LRP4: variants seen among roughly 807,000 people sequenced by gnomAD.
The protein encoded by LRP4 is low-density lipoprotein receptor-related protein 4.
LRP4 carries 95 observed loss-of-function variants against 220.3 expected under a neutral mutation model. That is an observed-to-expected ratio of 0.43 (90% CI 0.37 to 0.51). The LOEUF (loss-of-function observed/expected upper bound fraction) is 0.51, where lower values mean the gene tolerates loss of function less well. Ranked by LOEUF, LRP4 falls within the 20% of genes least tolerant of loss-of-function variation. The probability of loss-of-function intolerance (pLI) is 0.00; values close to 1 mark genes in which losing one functional copy is unlikely to be tolerated. For synonymous variants in LRP4, 903 were observed against 954.6 expected (o/e 0.95, Z 1.00); for missense variants, 1,925 against 2,567.0 (o/e 0.75, Z 5.40).
chr11:46,871,698 A>C, intron 30 of LRP4, 65 bp from the exon 31 acceptor site: 1 of 1,096,838 alleles, frequency 9.1e-7, no homozygotes, highest in Non-Finnish European at 1.4e-6. Context: ...TCTTCCCCCT[A>C]TGAACCTGTT....
rs1941787786 is a variant in LRP4 at position 46,907,879 on chromosome 11, C to T, written c.53-4950G>A. Among the ~76,000 whole-genome samples, 3 of 152,122 alleles carry T rather than the reference C, an allele frequency of 2.0e-5. No homozygotes were observed. The South Asian group carries it at 6.2e-4, about 32-fold the overall frequency. The stretch of plus-strand genomic sequence containing the variant: ...CTCAAAGGGCTTTGTAAAGATTAAC[C>T]CATATAAACTGCTTAGCACAGGGCT... On this transcript the variant is annotated intron_variant, in intron 1 of 37. Coordinates refer to ENST00000378623, the MANE Select transcript of LRP4 (RefSeq NM_002334.4).
At position 46,864,475 on chromosome 11, in the gene LRP4, A is replaced by G; in HGVS notation, c.5216T>C (p.Val1739Ala). The G allele has an allele frequency of 6.2e-7, 1 of 1,613,852 alleles. No individual in the cohort carries two copies. Among genetic ancestry groups the G allele is most frequent in the South Asian group, 1.1e-5 (1 of 91,072 alleles). ...GGLLSILLIL[V>A]VIAALMLYRH... Reference sequence around the variant, plus strand: ...GTACAGCATCAAAGCTGCAATCACCACCAAAATCAGCAGAATACTGAGGAG... The same window carrying G: ...GTACAGCATCAAAGCTGCAATCACCGCCAAAATCAGCAGAATACTGAGGAG... Residue 1739 changes from valine to alanine, a missense_variant, in exon 36 of 38, where the codon GTG (valine) becomes GCG (alanine). This residue lies in a region of LRP4 where 1,244 missense variants were observed against 1,624.9 expected (regional missense o/e 0.77). Transcript: ENST00000378623.
intron 20 of LRP4, among the ~76,000 whole-genome samples, chr11:46,880,528 G>A (rs994890571): frequency 1.3e-5 from 2 of 152,120 alleles, no homozygotes; most frequent in Non-Finnish European, 2.9e-5. Flanking sequence ...TCCCAGCTAC[G>A]TGGGAGGATC....
chr11:46,896,256 G>C lies in LRP4; in HGVS notation c.1002C>G (p.Val334=), dbSNP rs759926123. The change falls in exon 9 of 38, where the codon GTC becomes GTG. Residue 334 remains valine, a synonymous_variant. Transcript: ENST00000378623. ...CGTCGCTGTTGTCACCACAGTCGTTGACCCCGTTGCACAGCTTCCTCTGCC... is the reference window on the plus strand; with the variant it reads ...CGTCGCTGTTGTCACCACAGTCGTTCACCCCGTTGCACAGCTTCCTCTGCC... ...CIGQRKLCNG[V]NDCGDNSDES... is the part of the protein sequence containing the mutation. 2 of 1,614,030 alleles carry C rather than the reference G, an allele frequency of 1.2e-6. No individual in the cohort carries two copies. Among genetic ancestry groups the C allele is most frequent in the East Asian group, 4.5e-5 (2 of 44,894 alleles).
At chr11:46,903,646 T>G (rs1164926119) in intron 1 of LRP4, among the ~76,000 whole-genome samples, 1 of 152,258 alleles carries the variant, frequency 6.6e-6, no homozygotes, top group Non-Finnish European at 1.5e-5. Context: ...ATGGACGCTC[T>G]GCCTCTGTCT....
chr11:46,892,659 C>T (rs916257491), intron 13 of LRP4, among the ~76,000 whole-genome samples: 3 of 151,634 alleles, frequency 2.0e-5, no homozygotes, highest in Non-Finnish European at 2.9e-5. Context: ...GTAACCTGTG[C>T]CTCCTGGGTT....
At chr11:46,904,494 T>TGGATGGAC (rs1941726179) in intron 1 of LRP4, among the ~76,000 whole-genome samples, 2 of 108,334 alleles carry the variant, frequency 1.8e-5, no homozygotes, top group African/African-American at 5.7e-5. Context: ...GATGGATGGA[T>TGGATGGAC]GGATGGACGG....
chr11:46,876,483 T>G lies in LRP4; in HGVS notation c.3519A>C (p.Val1173=), dbSNP rs1565783608. The part of the protein sequence containing the change: ...WQNLDSPRAI[V]LYHEMGFMYW... ...GCTCTCACCCCATCTCATGGTACAG[T>G]ACGATGGCCCGGGGACTGTCAAGGT... Residue 1173 remains valine (V), a synonymous_variant, in exon 25 of 38, where the codon GTA becomes GTC. Coordinates refer to ENST00000378623, the MANE Select transcript of LRP4 (RefSeq NM_002334.4). 1 of 1,614,178 alleles carries G rather than the reference T, an allele frequency of 6.2e-7. No individual in the cohort carries two copies. Among genetic ancestry groups the G allele is most frequent in the East Asian group, 2.2e-5 (1 of 44,872 alleles).
At chr11:46,901,966 CT>C (rs975571666) in intron 2 of LRP4, among the ~76,000 whole-genome samples, 1 of 151,858 alleles carries the variant, frequency 6.6e-6, no homozygotes, top group Non-Finnish European at 1.5e-5. Context: ...ATTTCCTGAC[CT>C]CGTGATCTGC....
Position 46,897,372 on chromosome 11 carries a change from T to A in LRP4, c.797-378A>T, listed in dbSNP as rs546956755. 2.7e-3 allele frequency among the ~76,000 whole-genome samples: 384 copies of A among 141,382 alleles called. 2 individuals are homozygous for A. The highest frequency in any genetic ancestry group is 8.2e-3 in the African/African-American group (324 of 39,700). 92.8% of individuals were successfully genotyped at this position (141,382 alleles called of 152,430 possible). On this transcript the variant is annotated intron_variant, in intron 7 of 37. Coordinates refer to ENST00000378623, the MANE Select transcript of LRP4 (RefSeq NM_002334.4). ...TCTTTTTATTTTTTTATTTTTATTT[T>A]TTTTTATTTTTTAATTTTTTTATTA... is the stretch of plus-strand genomic sequence containing the variant.
chr11:46,903,587 G>A lies in LRP4; in HGVS notation c.53-658C>T, dbSNP rs112568161. ...AGAAGAGGAACAAGGGACAGAAAGG[G>A]TGATGTTGAGAGGCCTCCATAGCCT... On this transcript the variant is annotated intron_variant, in intron 1 of 37. Coordinates refer to ENST00000378623, the MANE Select transcript of LRP4 (RefSeq NM_002334.4). Among the ~76,000 whole-genome samples, 346 of 152,358 alleles carry A rather than the reference G, an allele frequency of 2.3e-3. 1 individual carries two copies. The highest frequency in any genetic ancestry group is 8.1e-3 in the African/African-American group (336 of 41,584).
rs780980400 is a variant in LRP4 at position 46,900,348 on chromosome 11, T to C, written c.230A>G (p.His77Arg). Residue 77 changes from histidine (H) to arginine (R), a missense_variant, in exon 3 of 38, where the codon CAC becomes CGC. Physicochemically the swap from His to Arg is conservative, Grantham distance 29 (BLOSUM62 0). Around this residue, in one of 3 missense-constraint regions of LRP4, gnomAD observed 412 missense variants for 505.4 expected, o/e 0.82. Coordinates refer to ENST00000378623, the MANE Select transcript of LRP4 (RefSeq NM_002334.4). The part of the protein sequence containing the change: ...ILPTCSPLDF[H>R]CDNGKCIRRS... ...GCGGATGCACTTGCCATTGTCACAG[T>C]GAAAGTCAAGAGGGGAACAGGTAGG... 20 of 1,613,668 alleles carry C rather than the reference T, an allele frequency of 1.2e-5. No homozygotes were observed. The Admixed American group carries it at 1.7e-4, about 13-fold the overall frequency.
chr11:46,889,873 G>A (rs949421908), intron 15 of LRP4, 71 bp downstream of exon 15: 1 of 1,544,432 alleles, frequency 6.5e-7, no homozygotes, highest in Admixed American at 1.7e-5. Context: ...GGGGAAGGAA[G>A]GTTCTCAGAG....
intron 2 of LRP4, among the ~76,000 whole-genome samples, chr11:46,902,543 C>T (rs947989400): frequency 5.9e-5 from 9 of 152,190 alleles, no homozygotes; most frequent in Admixed American, 4.6e-4. Context: ...TTCTCTTACA[C>T]GTGTTGTCAA....
chr11:46,858,892 A>G lies in LRP4; in HGVS notation c.*91T>C, dbSNP rs991054271. 6.0e-5 allele frequency: 76 copies of G among 1,266,392 alleles called. No homozygotes were observed. Among genetic ancestry groups the G allele is most frequent in the Non-Finnish European group, 8.3e-5 (72 of 867,602 alleles). 78.4% of individuals were successfully genotyped at this position (1,266,392 alleles called of 1,614,324 possible). A position where few individuals can be genotyped will look rare whatever the true frequency, so the allele number is the denominator to read the frequency against. On this transcript the variant is annotated 3_prime_UTR_variant, in exon 38 of 38. Transcript: ENST00000378623. ...GTGGGAGGAGGAGGAGGACAAGCAC[A>G]CAGAAGCGGGGCCTGCGGTGTAAGC... is the stretch of plus-strand genomic sequence containing the variant.
chr11:46,879,296 A>C lies in LRP4; in HGVS notation c.2834T>G (p.Leu945Arg). ...SKRKVLIGSQ[L>R]PHPFGLTLYG... ...GAGGGTCAGCCCAAATGGGTGGGGG[A>C]GCTGGCTTCCAATCAGCACCTGCCA... is the stretch of plus-strand genomic sequence containing the variant. Residue 945 changes from leucine to arginine, a missense_variant, in exon 21 of 38, where the codon CTC becomes CGC. Transcript: ENST00000378623. 1 of 1,614,072 alleles carries C rather than the reference A, an allele frequency of 6.2e-7. No individual in the cohort carries two copies. The highest frequency in any genetic ancestry group is 8.5e-7 in the Non-Finnish European group (1 of 1,180,028).
intron 2 of LRP4, among the ~76,000 whole-genome samples, chr11:46,901,676 C>A (rs549904376): frequency 6.6e-6 from 1 of 152,216 alleles, no homozygotes; most frequent in East Asian, 1.9e-4. Flanking sequence ...AGACAGGTCA[C>A]CCTGGCCAAC....
At chr11:46,879,389 G>T in intron 20 of LRP4, 74 bp from the exon 21 acceptor site, 1 of 1,513,836 alleles carries the variant, frequency 6.6e-7, no homozygotes, top group Non-Finnish European at 9.1e-7. Context: ...AGCTCACTGT[G>T]GACTCAGAAA....
At chr11:46,887,532 C>G (rs1222199479) in intron 16 of LRP4, among the ~76,000 whole-genome samples, 1 of 151,770 alleles carries the variant, frequency 6.6e-6, no homozygotes. Flanking sequence ...AACCCCGTCT[C>G]TACTAAAAAT....
Sources: allele counts gnomAD v4.1 joint callset (sites outside exome capture counted in the v4.1 genomes callset), GRCh38; gene constraint gnomAD v4.1.1; regional missense constraint gnomAD v4.1.1; transcripts MANE v1.5; gene names NCBI Gene and HGNC (gene_info 2026-07-23, HGNC 2026-07-21).